The following ZNF335 variants were observed in gnomAD, a reference collection of about 807,000 sequenced individuals.
ZNF335 encodes zinc finger protein 335.
In ZNF335, 84 loss-of-function variants were observed where a neutral mutation model predicts 145.6. That is an observed-to-expected ratio of 0.58 (90% confidence interval 0.48 to 0.69). The LOEUF is 0.69. Among genes scored for constraint, ZNF335 ranks in the 30% least tolerant of loss-of-function variants. The pLI is 0.00. For missense variants in ZNF335, 1,865 were observed against 1,809.7 expected, an observed-to-expected ratio of 1.03 and a Z score of -0.55; for synonymous variants, 761 against 717.0, an observed-to-expected ratio of 1.06 and a Z score of -0.98.
rs1026999268 is a variant in ZNF335 at position 45,957,068 on chromosome 20, A to G, written c.2442+518T>C. 7.9e-5 allele frequency among the ~76,000 whole-genome samples: 12 copies of G among 151,952 alleles called. 1 individual carries two copies. Among genetic ancestry groups the G allele is most frequent in the Admixed American group, 6.5e-4 (10 of 15,278 alleles). ...TAAACTTCCCTCTGCCTTGGAGACC[A>G]GGCCAGATGTGAACGGGGAGGGCAG... is the stretch of plus-strand genomic sequence containing the variant. On this transcript the variant is annotated intron_variant, in intron 17 of 27. Transcript: ENST00000322927.
Position 45,963,975 on chromosome 20 carries a change from G to C in ZNF335, c.1118C>G (p.Pro373Arg). ...CTGTCCACTCTGGGAACTCACTAGA[G>C]GCTCTCCTTCCACACCTGCCACGGA... ...SDLPDGVEGEPLVSSQSGQSP... is the reference protein window; with the variant it reads ...SDLPDGVEGERLVSSQSGQSP... The change falls in exon 8 of 28, where the codon CCT (proline) becomes CGT (arginine). Residue 373 changes from proline to arginine, a missense_variant. By Grantham distance (103) the Pro-to-Arg change is moderately radical (BLOSUM62 -2). Transcript: ENST00000322927. 1 of 1,520,996 alleles carries C rather than the reference G, an allele frequency of 6.6e-7. No individual in the cohort carries two copies. Among genetic ancestry groups the C allele is most frequent in the East Asian group, 2.3e-5 (1 of 44,108 alleles). The allele number at this position is 1,520,996 out of a possible 1,614,324, so 94.2% of individuals were successfully genotyped here. A position where few individuals can be genotyped will look rare whatever the true frequency, so the allele number is the denominator to read the frequency against.
rs766445408 is a variant in ZNF335, at chr20:45,971,450, G to A, written c.-40C>T. On this transcript the variant is annotated 5_prime_UTR_variant, in exon 2 of 28. Transcript: ENST00000322927. ...GCCTGACAGCGGGGCGTAGGGTCTG[G>A]GAACTTCACTCTGAGAAGAGAGGTG... 8 of 1,594,214 alleles carry A rather than the reference G, an allele frequency of 5.0e-6. No homozygotes were observed. The South Asian group carries it at 7.8e-5, about 15-fold the overall frequency.
Position 45,949,058 on chromosome 20 carries a change from G to C in ZNF335, c.3924C>G (p.Ala1308=). The C allele has an allele frequency of 2.5e-6, 4 of 1,613,780 alleles. No individual in the cohort carries two copies. Among genetic ancestry groups the C allele is most frequent in the South Asian group, 2.2e-5 (2 of 91,078 alleles). ...CTGTACCAAACAGGCCCTGGGCTTG[G>C]GCCATGGCAGCATCAGCCACTGCTG... ...AVTAVADAAM[A]QAQGLFGTDE... The change falls in exon 28 of 28, where the codon GCC becomes GCG. Residue 1308 remains alanine, a synonymous_variant. Transcript: ENST00000322927.
Position 45,963,755 on chromosome 20 carries a change from T to C in ZNF335, c.1338A>G (p.Leu446=). ...RRRGRPSRRF[L]GKKYRKYYYK... Reference sequence around the variant, plus strand: ...CCACATACTTGCGGTATTTCTTGCCTAGGAAGCGCCTGGAAGGTCGACCTC... The same window carrying C: ...CCACATACTTGCGGTATTTCTTGCCCAGGAAGCGCCTGGAAGGTCGACCTC... The change falls in exon 8 of 28, where the codon CTA becomes CTG. Residue 446 remains leucine (L), a synonymous_variant. Transcript: ENST00000322927. 1 of 1,614,098 alleles carries C rather than the reference T, an allele frequency of 6.2e-7. No homozygotes were observed. Among genetic ancestry groups the C allele is most frequent in the Non-Finnish European group, 8.5e-7 (1 of 1,179,972 alleles).
rs774705030 is a variant in ZNF335, at chr20:45,950,085, A to G, written c.3488-16T>C. 6.2e-7 allele frequency: 1 copy of G among 1,612,740 alleles called. No homozygotes were observed. The highest frequency in any genetic ancestry group is 1.1e-5 in the South Asian group (1 of 90,920). ...TGGAGTGCAGCTGGGCAGAGAGGAGAGGATGCTCACCTGGGGTCCAGGAAA... is the reference window on the plus strand; with the variant it reads ...TGGAGTGCAGCTGGGCAGAGAGGAGGGGATGCTCACCTGGGGTCCAGGAAA... On this transcript the variant is annotated splice_polypyrimidine_tract_variant and intron_variant, in intron 22 of 27. Coordinates refer to ENST00000322927, the MANE Select transcript of ZNF335 (RefSeq NM_022095.4).
In ZNF335 at chr20:45,950,502, G is replaced by C. The variant is rs1413271337; in HGVS notation, c.3283C>G (p.Leu1095Val). ...KNKKDLRRHM[L>V]THTKEKPFAC... is the part of the protein sequence containing the mutation. ...AAAGGCTTCTCCTTTGTGTGAGTCA[G>C]CATGTGCCGACGCAGGTCCTTCTTG... The change falls in exon 21 of 28, where the codon CTG becomes GTG. Residue 1095 changes from leucine (L) to valine (V), a missense_variant. Physicochemically the swap from Leu to Val is conservative, Grantham distance 32. Coordinates refer to ENST00000322927, the MANE Select transcript of ZNF335 (RefSeq NM_022095.4). 1 of 1,614,246 alleles carries C rather than the reference G, an allele frequency of 6.2e-7. No homozygotes were observed. The highest frequency in any genetic ancestry group is 1.1e-5 in the South Asian group (1 of 91,088).
chr20:45,967,682 G>A, intron 5 of ZNF335, 48 bp from the exon 6 acceptor site: 3 of 1,610,122 alleles, frequency 1.9e-6, no homozygotes, highest in Non-Finnish European at 2.5e-6. Context: ...CTGGCTCCCA[G>A]CACCCCACCC....
chr20:45,961,003 A>G, intron 10 of ZNF335, 121 bp from the exon 11 acceptor site: 1 of 1,336,642 alleles, frequency 7.5e-7, no homozygotes, highest in South Asian at 1.4e-5. Context: ...CCTTTCTCTT[A>G]GAATAGTGCT....
intron 9 of ZNF335, 74 bp from the exon 10 acceptor site, chr20:45,962,256 GC>G: frequency 8.2e-7 from 1 of 1,212,776 alleles, no homozygotes; most frequent in Non-Finnish European, 1.2e-6. Flanking sequence ...CATGCCTGTG[GC>G]CACAGTCTTA....
At position 45,953,692 on chromosome 20, in the gene ZNF335, T is replaced by A. The variant is rs757883767; in HGVS notation, c.2699A>T (p.Tyr900Phe). Reference sequence around the variant, plus strand: ...CCTTGCAGGCAGCAGGTCTCACCTGTAAGGTGTGCCAGGAGCTGATGTTCC... The same window carrying A: ...CCTTGCAGGCAGCAGGTCTCACCTGAAAGGTGTGCCAGGAGCTGATGTTCC... Reference protein sequence around the residue: ...EEGTSAPGTPYSEEPAGEAAQ... With the variant: ...EEGTSAPGTPFSEEPAGEAAQ... Residue 900 changes from tyrosine (Y) to phenylalanine (F), a missense_variant, in exon 18 of 28, where the codon TAC becomes TTC. Coordinates refer to ENST00000322927, the MANE Select transcript of ZNF335 (RefSeq NM_022095.4). 1 of 1,613,972 alleles carries A rather than the reference T, an allele frequency of 6.2e-7. No individual in the cohort carries two copies.
Position 45,972,155 on chromosome 20 carries a change from C to T in ZNF335, c.-84G>A, listed in dbSNP as rs1568834392. 1.6e-6 allele frequency: 2 copies of T among 1,289,560 alleles called. No homozygotes were observed. Among genetic ancestry groups the T allele is most frequent in the Non-Finnish European group, 2.0e-6 (2 of 988,746 alleles). 79.9% of individuals were successfully genotyped at this position (1,289,560 alleles called of 1,614,324 possible). ...TTCGTAGCCACGTTCCTCTCTGACT[C>T]CGGCATCGACGAGGTCGCCATCCTC... is the stretch of plus-strand genomic sequence containing the variant. On this transcript the variant is annotated 5_prime_UTR_variant, in exon 1 of 28. Transcript: ENST00000322927.
chr20:45,960,915 G>A (rs1047725534), intron 10 of ZNF335, 33 bp from the exon 11 acceptor site: 14 of 1,612,152 alleles, frequency 8.7e-6, no homozygotes, highest in African/African-American at 1.3e-5. Context: ...TTAGACCAGA[G>A]CTTCCCCAAG....
intron 3 of ZNF335, 128 bp downstream of exon 3, chr20:45,969,323 G>T: frequency 8.7e-7 from 1 of 1,146,582 alleles, no homozygotes; most frequent in Non-Finnish European, 1.1e-6. Flanking sequence ...TGAGACAGGG[G>T]TGACTGTTCC....
At position 45,964,765 on chromosome 20, in the gene ZNF335, G is replaced by A. The variant is rs1038120266; in HGVS notation, c.1103-775C>T. 8.7e-4 allele frequency among the ~76,000 whole-genome samples: 133 copies of A among 152,164 alleles called. 1 individual carries two copies. The highest frequency in any genetic ancestry group is 2.6e-3 in the African/African-American group (106 of 41,522). On this transcript the variant is annotated intron_variant, in intron 7 of 27. Transcript: ENST00000322927. ...CTAAAGAATACAATAGGCCAAGTGC[G>A]GTGGCTCACGCCTGTAATCCCAGCA...
chr20:45,954,058 A>C, intron 17 of ZNF335, 110 bp from the exon 18 acceptor site: 2 of 1,317,012 alleles, frequency 1.5e-6, no homozygotes, highest in Non-Finnish European at 2.0e-6. Context: ...CTCTAGTCAG[A>C]CCAGTGCTGC....
Position 45,969,588 on chromosome 20 carries a change from C to A in ZNF335, c.305G>T (p.Gly102Val). 6.2e-7 allele frequency: 1 copy of A among 1,605,942 alleles called. No homozygotes were observed. Among genetic ancestry groups the A allele is most frequent in the South Asian group, 1.1e-5 (1 of 90,810 alleles). The stretch of plus-strand genomic sequence containing the variant: ...ACTAGAGTGCACAAGTGCTGGGGGA[C>A]CGCCTGTCACCCCTGCCACTGGCCC... ...SHGPVAGVTG[G>V]PPALVHSSAL... The change falls in exon 3 of 28, where the codon GGT becomes GTT. Residue 102 changes from glycine to valine, a missense_variant. Physicochemically the swap from Gly to Val is moderately radical, Grantham distance 109. Transcript: ENST00000322927.
Position 45,960,127 on chromosome 20 carries a change from A to G in ZNF335, c.2020+81T>C, listed in dbSNP as rs993944517. The G allele has an allele frequency of 1.2e-4, 183 of 1,516,862 alleles. 1 individual carries two copies. The highest frequency in any genetic ancestry group is 1.6e-4 in the Non-Finnish European group (176 of 1,117,392). The allele number at this position is 1,516,862 out of a possible 1,614,324, so 94.0% of individuals were successfully genotyped here. A position where few individuals can be genotyped will look rare whatever the true frequency, so the allele number is the denominator to read the frequency against. On this transcript the variant is annotated intron_variant, in intron 14 of 27. Transcript: ENST00000322927. ...GGCTGGGGCTACCGAGGGGGAAGGAAGAGGATGGGAGCTAAGCCTCTGATC... is the reference window on the plus strand; with the variant it reads ...GGCTGGGGCTACCGAGGGGGAAGGAGGAGGATGGGAGCTAAGCCTCTGATC...
At chr20:45,960,141 AAGCCT>A in intron 14 of ZNF335, 62 bp downstream of exon 14, 1 of 1,569,618 alleles carries the variant, frequency 6.4e-7, no homozygotes, top group Non-Finnish European at 8.7e-7. Flanking sequence ...GATGGGAGCT[AAGCCT>A]CTGATCAGGG....
rs749458173 is a variant in ZNF335 at position 45,967,527 on chromosome 20, T to TGTC, written c.919_921dup (p.Asp307dup). ...TCATCAATGGCTCCAGCGTCTACAA[T>TGTC]GTCATCATCGTCCTCCTCCTCTGGT... On this transcript the variant is annotated inframe_insertion, in exon 6 of 28. Coordinates refer to ENST00000322927, the MANE Select transcript of ZNF335 (RefSeq NM_022095.4). 6.2e-7 allele frequency: 1 copy of TGTC among 1,614,042 alleles called. No individual in the cohort carries two copies. The highest frequency in any genetic ancestry group is 1.1e-5 in the South Asian group (1 of 91,068).
Sources: gnomAD v4.1 joint callset for allele counts (sites outside exome capture counted in the v4.1 genomes callset) on GRCh38, gnomAD v4.1.1 for gene constraint, MANE v1.5 for transcripts, NCBI Gene and HGNC (gene_info 2026-07-23, HGNC 2026-07-21) for gene names.